ANKFN1: variants seen among roughly 807,000 people sequenced by gnomAD.
ANKFN1 encodes ankyrin repeat and fibronectin type III domain containing 1.
In ANKFN1, 74 loss-of-function variants were observed where a neutral mutation model predicts 108.7. The observed-to-expected ratio is 0.68, with a 90% CI of 0.56 to 0.83. The LOEUF is 0.83. Among genes scored for constraint, ANKFN1 ranks in the 40% least tolerant of loss-of-function variants. ANKFN1 has a pLI of 0.00. For missense variants in ANKFN1, 1,505 were observed against 1,382.3 expected, an observed-to-expected ratio of 1.09 and a Z score of -1.41; for synonymous variants, 547 against 516.2, an observed-to-expected ratio of 1.06 and a Z score of -0.81.
intron 8 of ANKFN1, among the ~76,000 whole-genome samples, chr17:56,414,428 A>T (rs750101451): frequency 6.6e-6 from 1 of 152,226 alleles, no homozygotes; most frequent in Non-Finnish European, 1.5e-5. Context: ...ATAACCAGAC[A>T]AAGACACATC....
At chr17:56,257,940 T>C (rs2043400567) in intron 3 of ANKFN1, 1 of 152,206 alleles carries the variant, frequency 6.6e-6, no homozygotes, top group Non-Finnish European at 1.5e-5. Flanking sequence ...ATTCAGATGC[T>C]GCCCTGGAAG....
chr17:56,340,576 T>A (rs754762405), intron 4 of ANKFN1, among the ~76,000 whole-genome samples: 12 of 152,086 alleles, frequency 7.9e-5, no homozygotes, highest in Non-Finnish European at 1.3e-4. Flanking sequence ...CCTTTCCCTA[T>A]TGTCTTTATC....
At chr17:56,368,276 C>CTATTTTTTTTTTTT (rs2046713653) in intron 6 of ANKFN1, 1 of 65,416 alleles carries the variant, frequency 1.5e-5, no homozygotes, top group Non-Finnish European at 3.0e-5. Context: ...TGAAAATGAA[C>CTATTTTTTTTTTTT]TTTTTTTTTT....
At chr17:56,403,166 A>T (rs1442581900) in intron 8 of ANKFN1, among the ~76,000 whole-genome samples, 1 of 152,134 alleles carries the variant, frequency 6.6e-6, no homozygotes, top group Non-Finnish European at 1.5e-5. Context: ...TAGAATGTGT[A>T]TTCTGTGGTT....
At position 56,236,834 on chromosome 17, in the gene ANKFN1, A is replaced by G. The variant is rs555475647; in HGVS notation, c.53+8877A>G. Among the ~76,000 whole-genome samples the G allele has an allele frequency of 7.9e-5, 12 of 152,282 alleles. No homozygotes were observed. In the East Asian group the frequency reaches 2.3e-3, roughly 29 times the overall value. ...TTGACTATGAGGAGTGAGAGAGGGC[A>G]TCCTTGACTTGTGCCAGTTTTCAAG... On this transcript the variant is annotated intron_variant, in intron 3 of 20. Transcript: ENST00000682825.
At chr17:56,210,194 G>A (rs544965746) in intron 1 of ANKFN1, among the ~76,000 whole-genome samples, 1 of 152,272 alleles carries the variant, frequency 6.6e-6, no homozygotes, top group East Asian at 1.9e-4. Flanking sequence ...GAATGGTGCT[G>A]CTATAAACAT....
chr17:56,153,609 G>C, intron 1 of ANKFN1, 79 bp downstream of exon 1: 1 of 1,567,046 alleles, frequency 6.4e-7, no homozygotes, highest in Non-Finnish European at 8.8e-7. Context: ...AGGAAAATGT[G>C]AGTTGAGTGG....
At chr17:56,477,728 G>A (rs751667376) in intron 16 of ANKFN1, 74 bp downstream of exon 16, 172 of 1,514,678 alleles carry the variant, frequency 1.1e-4, no homozygotes, top group Non-Finnish European at 1.5e-4. Flanking sequence ...GTGCCAGAAG[G>A]AAACTGAAGT....
intron 3 of ANKFN1, among the ~76,000 whole-genome samples, chr17:56,289,125 C>A (rs926697467): frequency 1.3e-5 from 2 of 152,082 alleles, no homozygotes; most frequent in African/African-American, 4.8e-5. Flanking sequence ...CTCATTGTTT[C>A]AAGAAAATGT....
chr17:56,078,756 A>G (rs781769114), intron 4 of ANKFN1, among the ~76,000 whole-genome samples: 3 of 152,224 alleles, frequency 2.0e-5, no homozygotes, highest in Non-Finnish European at 4.4e-5. Flanking sequence ...TGGAATATTT[A>G]CATCACTCAG....
chr17:56,492,511 A>G (rs574232283), intron 19 of ANKFN1, among the ~76,000 whole-genome samples, 158 bp downstream of exon 19: 2 of 152,296 alleles, frequency 1.3e-5, no homozygotes, highest in African/African-American at 4.8e-5. Flanking sequence ...GCTCAGGCAG[A>G]TAAGTTTTCA....
At chr17:56,183,399 G>A (rs1369644700) in intron 1 of ANKFN1, among the ~76,000 whole-genome samples, 1 of 152,192 alleles carries the variant, frequency 6.6e-6, no homozygotes, top group African/African-American at 2.4e-5. Context: ...CAAATCTCAT[G>A]TAGAAATGTG....
chr17:56,431,080 C>G (rs11653578), intron 8 of ANKFN1, among the ~76,000 whole-genome samples: 27,237 of 152,138 alleles, frequency 0.18, 3,141 homozygotes, highest in Admixed American at 0.29. Flanking sequence ...AAACCAGAGA[C>G]AGAAACAAAA....
intron 4 of ANKFN1, among the ~76,000 whole-genome samples, chr17:56,341,619 C>T (rs908092698): frequency 1.3e-5 from 2 of 151,934 alleles, no homozygotes; most frequent in Non-Finnish European, 2.9e-5. Flanking sequence ...TATTGATTTG[C>T]ATATGTTGAA....
chr17:56,486,188 A>G (rs528058300), intron 18 of ANKFN1, among the ~76,000 whole-genome samples: 10 of 152,314 alleles, frequency 6.6e-5, no homozygotes, highest in Admixed American at 2.6e-4. Context: ...CTAGAGTAAG[A>G]CATACTTTCT....
At chr17:56,346,786 G>C (rs1159359236) in intron 4 of ANKFN1, among the ~76,000 whole-genome samples, 2 of 150,622 alleles carry the variant, frequency 1.3e-5, no homozygotes, top group African/African-American at 4.9e-5. Flanking sequence ...TGTACCATTT[G>C]TAAATGGCTT....
At chr17:56,484,985 C>G (rs1241241422) in intron 18 of ANKFN1, among the ~76,000 whole-genome samples, 1 of 152,216 alleles carries the variant, frequency 6.6e-6, no homozygotes, top group Non-Finnish European at 1.5e-5. Context: ...GACTCACACA[C>G]TCTTCTTGAG....
intron 1 of ANKFN1, among the ~76,000 whole-genome samples, chr17:56,181,033 C>T (rs1911632236): frequency 6.6e-6 from 1 of 152,152 alleles, no homozygotes; most frequent in South Asian, 2.1e-4. Flanking sequence ...CTTTCAAAGG[C>T]AGTTTCTATT....
intron 1 of ANKFN1, among the ~76,000 whole-genome samples, chr17:56,186,065 G>T (rs1912173020): frequency 6.6e-6 from 1 of 152,136 alleles, no homozygotes; most frequent in South Asian, 2.1e-4. Flanking sequence ...TACAAATAAT[G>T]CCATCTCCCC....
Sources: gnomAD v4.1 joint callset for allele counts (sites outside exome capture counted in the v4.1 genomes callset) on GRCh38, gnomAD v4.1.1 for gene constraint, MANE v1.5 for transcripts, NCBI Gene and HGNC (gene_info 2026-07-23, HGNC 2026-07-21) for gene names.